Variants in NAA60 observed in about 807,000 individuals in gnomAD.
NAA60 encodes the protein N-alpha-acetyltransferase 60.
Under a neutral mutation model 26.1 loss-of-function variants are expected in NAA60, and 8 were observed. The ratio of observed to expected loss-of-function variants is 0.31; its 90% CI spans 0.18 to 0.55. NAA60 has a LOEUF of 0.55. NAA60 is among the 20% of genes least tolerant of loss of function. NAA60 has a pLI of 0.93. For missense variants in NAA60, 290 were observed against 311.3 expected (o/e 0.93, Z 0.51); for synonymous variants, 131 against 122.5 (o/e 1.07, Z -0.46).
At chr16:3,454,689 A>G (rs972887152) in intron 2 of NAA60, among the ~76,000 whole-genome samples, 3 of 152,202 alleles carry the variant, frequency 2.0e-5, no homozygotes, top group African/African-American at 7.2e-5. Context: ...TCAGCCCTGA[A>G]GTCGATGGTG....
At chr16:3,444,175 C>G (rs1351029032) in intron 1 of NAA60, among the ~76,000 whole-genome samples, 1 of 152,086 alleles carries the variant, frequency 6.6e-6, no homozygotes, top group Admixed American at 6.6e-5. Context: ...TGTTCGCCCC[C>G]GGATACCTCA....
chr16:3,476,374 T>C, intron 3 of NAA60, 37 bp downstream of exon 3: 1 of 1,573,004 alleles, frequency 6.4e-7, no homozygotes. Flanking sequence ...GGAGAGCCCG[T>C]GAGCCTCAGG....
intron 2 of NAA60, among the ~76,000 whole-genome samples, chr16:3,468,771 C>G: frequency 6.6e-6 from 1 of 152,176 alleles, no homozygotes; most frequent in Non-Finnish European, 1.5e-5. Flanking sequence ...GCTCCAGGTT[C>G]TAACTTAAAA....
intron 2 of NAA60, among the ~76,000 whole-genome samples, chr16:3,455,854 G>C (rs1378166365): frequency 4.0e-5 from 6 of 151,656 alleles, no homozygotes; most frequent in African/African-American, 1.5e-4. Context: ...TTACAGGCAC[G>C]CACCACTATG....
intron 2 of NAA60, chr16:3,457,871 C>T (rs1032859393): frequency 2.9e-5 from 19 of 656,994 alleles, no homozygotes; most frequent in Admixed American, 6.3e-5. Flanking sequence ...CAGTGCCCCG[C>T]ATACGGGATC....
intron 4 of NAA60, 102 bp from the exon 5 acceptor site, chr16:3,482,400 G>A (rs1221854948): frequency 3.3e-6 from 3 of 918,038 alleles, no homozygotes; most frequent in East Asian, 5.3e-5. Flanking sequence ...GTGTCCCTCT[G>A]GCTGTCGTGG....
chr16:3,482,995 C>T (rs1299439787), intron 5 of NAA60: 8 of 469,862 alleles, frequency 1.7e-5, no homozygotes, highest in South Asian at 1.3e-4. Flanking sequence ...GATGTCCCAC[C>T]CCACTCGGCC....
Position 3,479,497 on chromosome 16 carries a change from T to A in NAA60, c.137T>A (p.Ile46Asn). ...IEYPDSWYRD[I>N]TSNKKFFSLA... ...TACCCAGACTCATGGTATCGTGATA[T>A]CACATCCAACAAGAAGTTCTTTTCC... is the stretch of plus-strand genomic sequence containing the variant. The change falls in exon 4 of 8, where the codon ATC (isoleucine) becomes AAC (asparagine). Residue 46 changes from isoleucine (I) to asparagine (N), a missense_variant. Physicochemically the swap from Ile to Asn is moderately radical, Grantham distance 149. Coordinates refer to ENST00000407558, the MANE Select transcript of NAA60 (RefSeq NM_001083601.3). 1 of 1,614,032 alleles carries A rather than the reference T, an allele frequency of 6.2e-7. No individual in the cohort carries two copies. The highest frequency in any genetic ancestry group is 8.5e-7 in the Non-Finnish European group (1 of 1,179,872).
chr16:3,463,551 TAAAAAAAAAA>T (rs71133639), intron 2 of NAA60, among the ~76,000 whole-genome samples: 2 of 113,900 alleles, frequency 1.8e-5, no homozygotes, highest in South Asian at 6.3e-4. Flanking sequence ...GACCCTGTGT[TAAAAAAAAAA>T]AAAAAAAAAA....
chr16:3,460,406 C>G (rs765729947), intron 2 of NAA60, among the ~76,000 whole-genome samples: 1 of 152,202 alleles, frequency 6.6e-6, no homozygotes, highest in Non-Finnish European at 1.5e-5. Flanking sequence ...CTCTGTCGCC[C>G]AGGCTAGAAT....
chr16:3,448,451 T>A lies in NAA60; in HGVS notation c.-76-20T>A. 1.3e-6 allele frequency: 2 copies of A among 1,534,186 alleles called. No individual in the cohort carries two copies. Among genetic ancestry groups the A allele is most frequent in the Non-Finnish European group, 1.7e-6 (2 of 1,145,748 alleles). On this transcript the variant is annotated intron_variant, in intron 1 of 7. Transcript: ENST00000407558. ...ATGGCCAGGAGTGAAGTGATGGCCT[T>A]GTGTCTTTCTCCCCTGCAGCATACA...
chr16:3,446,267 C>G (rs2034546152), intron 1 of NAA60, among the ~76,000 whole-genome samples: 1 of 152,142 alleles, frequency 6.6e-6, no homozygotes, highest in Non-Finnish European at 1.5e-5. Flanking sequence ...TGCGGTGGCT[C>G]ACGCCTGTAA....
rs1035719821 is a variant in NAA60 at position 3,462,118 on chromosome 16, A to AT, written c.-7+13584dup. 3.6e-5 allele frequency among the ~76,000 whole-genome samples: 5 copies of AT among 140,300 alleles called. No homozygotes were observed. The South Asian group carries it at 1.1e-3, about 32-fold the overall frequency. 92.0% of individuals were successfully genotyped at this position (140,300 alleles called of 152,430 possible). A position where few individuals can be genotyped will look rare whatever the true frequency, so the allele number is the denominator to read the frequency against. On this transcript the variant is annotated intron_variant, in intron 2 of 7. Transcript: ENST00000407558. ...AAAAAAAAAAAAACCTTTCAGTGCT[A>AT]TTTTTTGTGGTATAGTTACTGTTAT... is the stretch of plus-strand genomic sequence containing the variant.
intron 2 of NAA60, among the ~76,000 whole-genome samples, chr16:3,473,076 C>G (rs2036253917): frequency 6.6e-6 from 1 of 152,072 alleles, no homozygotes; most frequent in Non-Finnish European, 1.5e-5. Flanking sequence ...CACCACGTCA[C>G]CCAGGCTGGA....
At position 3,483,402 on chromosome 16, in the gene NAA60, C is replaced by T; in HGVS notation, c.377C>T (p.Thr126Ile). 1 of 1,613,598 alleles carries T rather than the reference C, an allele frequency of 6.2e-7. No individual in the cohort carries two copies. Among genetic ancestry groups the T allele is most frequent in the Non-Finnish European group, 8.5e-7 (1 of 1,179,678 alleles). The change falls in exon 6 of 8, where the codon ACC becomes ATC. Residue 126 changes from threonine to isoleucine, a missense_variant. Coordinates refer to ENST00000407558, the MANE Select transcript of NAA60 (RefSeq NM_001083601.3). ...LLESLKDHIS[T>I]TAQDHCKAIY... The stretch of plus-strand genomic sequence containing the variant: ...GAAAGTTTAAAGGATCACATATCAA[C>T]CACCGCCCAGGACCACTGCAAAGCC...
chr16:3,484,430 G>A (rs1186659065), intron 6 of NAA60: 5 of 525,288 alleles, frequency 9.5e-6, no homozygotes, highest in African/African-American at 5.7e-5. Context: ...CCCACCCCCC[G>A]TGCATCCCTG....
intron 6 of NAA60, 106 bp from the exon 7 acceptor site, chr16:3,484,593 C>A: frequency 7.0e-7 from 1 of 1,436,256 alleles, no homozygotes; most frequent in Non-Finnish European, 9.4e-7. Flanking sequence ...CGAAGCCTGG[C>A]TTGCCATCTG....
intron 2 of NAA60, among the ~76,000 whole-genome samples, chr16:3,451,419 C>G (rs886374064): frequency 2.0e-5 from 3 of 152,156 alleles, no homozygotes; most frequent in Non-Finnish European, 4.4e-5. Flanking sequence ...TTACCACAGG[C>G]ATGCATTACT....
intron 2 of NAA60, among the ~76,000 whole-genome samples, chr16:3,450,977 T>C (rs1042531780): frequency 1.3e-5 from 2 of 152,216 alleles, no homozygotes; most frequent in Non-Finnish European, 2.9e-5. Flanking sequence ...AATTAGAACA[T>C]GCAGGAGGGA....
Sources: gnomAD v4.1 joint callset for allele counts (sites outside exome capture counted in the v4.1 genomes callset) on GRCh38, gnomAD v4.1.1 for gene constraint, MANE v1.5 for transcripts, NCBI Gene and HGNC (gene_info 2026-07-23, HGNC 2026-07-21) for gene names.